Variants in GPATCH8 observed in about 807,000 individuals in gnomAD.
GPATCH8 encodes G patch domain-containing protein 8.
GPATCH8 carries 18 observed loss-of-function variants against 118.3 expected under a neutral mutation model. The ratio of observed to expected loss-of-function variants is 0.15; its 90% CI spans 0.11 to 0.23. The LOEUF (loss-of-function observed/expected upper bound fraction) is 0.23. GPATCH8 is among the 10% of genes least tolerant of loss of function. The probability of loss-of-function intolerance (pLI) is 1.00; values close to 1 mark genes in which losing one functional copy is unlikely to be tolerated. For synonymous variants in GPATCH8, 659 were observed against 684.7 expected, an observed-to-expected ratio of 0.96 and a Z score of 0.59; for missense variants, 1,631 against 1,873.8, an observed-to-expected ratio of 0.87 and a Z score of 2.39.
At chr17:44,431,872 G>C (rs1319131452) in intron 5 of GPATCH8, among the ~76,000 whole-genome samples, 2 of 151,926 alleles carry the variant, frequency 1.3e-5, no homozygotes, top group African/African-American at 4.8e-5. Context: ...GCTGTAGTGA[G>C]CTACGATAGC....
intron 6 of GPATCH8, among the ~76,000 whole-genome samples, chr17:44,416,604 C>G (rs1322139353): frequency 6.6e-6 from 1 of 152,174 alleles, no homozygotes; most frequent in Non-Finnish European, 1.5e-5. Context: ...GAGATGCACT[C>G]CTTTCTTCAA....
chr17:44,421,834 C>G (rs2049916306), intron 6 of GPATCH8, among the ~76,000 whole-genome samples: 1 of 151,776 alleles, frequency 6.6e-6, no homozygotes, highest in Non-Finnish European at 1.5e-5. Flanking sequence ...TCAGGCAATT[C>G]TCGTGCCTCG....
At chr17:44,498,554 A>G (rs1969830834) in intron 1 of GPATCH8, among the ~76,000 whole-genome samples, 1 of 152,248 alleles carries the variant, frequency 6.6e-6, no homozygotes, top group South Asian at 2.1e-4. Flanking sequence ...TCTCCTAAGA[A>G]TGTATTAACC....
rs1273242915 is a variant in GPATCH8 at position 44,397,646 on chromosome 17, A to G, written c.4431T>C (p.Thr1477=). The G allele has an allele frequency of 1.2e-6, 2 of 1,613,516 alleles. No individual in the cohort carries two copies. The highest frequency in any genetic ancestry group is 1.3e-5 in the African/African-American group (1 of 74,884). The change falls in exon 8 of 8, where the codon ACT becomes ACC. Residue 1477 remains threonine, a synonymous_variant. Coordinates refer to ENST00000591680, the MANE Select transcript of GPATCH8 (RefSeq NM_001002909.4). ...LAPRPAAAAA[T]ALHLHPLLHP... ...GAAGTAGTGGGTGAAGGTGAAGTGC[A>G]GTGGCAGCTGCTGCAGCAGGCCGTG...
intron 3 of GPATCH8, among the ~76,000 whole-genome samples, chr17:44,456,147 C>G (rs943929171): frequency 1.3e-5 from 2 of 152,162 alleles, no homozygotes; most frequent in African/African-American, 4.8e-5. Context: ...CTATGTTGCC[C>G]AGGCTAAGGT....
intron 7 of GPATCH8, 57 bp downstream of exon 7, chr17:44,405,864 T>G (rs555710844): frequency 8.1e-7 from 1 of 1,228,132 alleles, no homozygotes; most frequent in African/African-American, 1.5e-5. Flanking sequence ...AATCTATAAT[T>G]TAAAATTTTA....
chr17:44,446,287 C>T (rs1342400413), intron 3 of GPATCH8, among the ~76,000 whole-genome samples: 1 of 152,006 alleles, frequency 6.6e-6, no homozygotes, highest in Non-Finnish European at 1.5e-5. Context: ...GAGTTAAAGG[C>T]CAGGCGCAGT....
At chr17:44,429,686 A>ACACACACACAC (rs371769035) in intron 5 of GPATCH8, among the ~76,000 whole-genome samples, 3 of 147,152 alleles carry the variant, frequency 2.0e-5, no homozygotes, top group African/African-American at 7.7e-5. Flanking sequence ...ACACACACAC[A>ACACACACACAC]AAACAACAAA....
In GPATCH8 at chr17:44,399,507, C is replaced by G; in HGVS notation, c.2570G>C (p.Gly857Ala). ...SEHSRSRSRS[G>A]RRHSSHRSSR... ...GGAACGATGCGAGGAATGGCGCCGG[C>G]CAGACCTTGAGCGGCTGCGGGAATG... The change falls in exon 8 of 8, where the codon GGC (glycine) becomes GCC (alanine). Residue 857 changes from glycine to alanine, a missense_variant. Physicochemically the swap from Gly to Ala is moderately conservative, Grantham distance 60. Coordinates refer to ENST00000591680, the MANE Select transcript of GPATCH8 (RefSeq NM_001002909.4). 1 of 1,614,230 alleles carries G rather than the reference C, an allele frequency of 6.2e-7. No homozygotes were observed. Among genetic ancestry groups the G allele is most frequent in the Non-Finnish European group, 8.5e-7 (1 of 1,180,048 alleles).
chr17:44,407,320 A>T (rs1217562178), intron 6 of GPATCH8: 1 of 152,174 alleles, frequency 6.6e-6, no homozygotes, highest in Non-Finnish European at 1.5e-5. Flanking sequence ...CAAGAGTGGA[A>T]GAGAAAAAAA....
At chr17:44,439,870 A>G (rs1598492623) in intron 3 of GPATCH8, among the ~76,000 whole-genome samples, 1 of 147,140 alleles carries the variant, frequency 6.8e-6, no homozygotes, top group Middle Eastern at 3.3e-3. Context: ...CACAGCCTCC[A>G]CCTCCTGGGT....
chr17:44,411,987 A>G (rs1047333564), intron 6 of GPATCH8, among the ~76,000 whole-genome samples: 1 of 152,136 alleles, frequency 6.6e-6, no homozygotes, highest in African/African-American at 2.4e-5. Context: ...CAATGGCGCA[A>G]TCTCAGCTCA....
intron 1 of GPATCH8, among the ~76,000 whole-genome samples, chr17:44,479,481 T>C (rs762936699): frequency 1.3e-5 from 2 of 152,116 alleles, no homozygotes; most frequent in African/African-American, 2.4e-5. Context: ...TAGAACTAGG[T>C]GTCCATATAC....
intron 2 of GPATCH8, among the ~76,000 whole-genome samples, chr17:44,468,535 G>A (rs1348904518): frequency 6.6e-6 from 1 of 151,566 alleles, no homozygotes; most frequent in East Asian, 1.9e-4. Flanking sequence ...TTACAGGTGT[G>A]AGCCACCATG....
At chr17:44,445,502 CT>C (rs113545278) in intron 3 of GPATCH8, among the ~76,000 whole-genome samples, 19,119 of 146,150 alleles carry the variant, frequency 0.13, 1,364 homozygotes, top group African/African-American at 0.18. Flanking sequence ...ATTTCTTTTT[CT>C]TTTTTTTTTT....
intron 3 of GPATCH8, among the ~76,000 whole-genome samples, chr17:44,449,542 G>A (rs1235379214): frequency 2.9e-5 from 4 of 138,860 alleles, no homozygotes; most frequent in African/African-American, 1.1e-4. Context: ...CTGAGACAGA[G>A]TTTCACTCTT....
At chr17:44,438,458 T>A (rs2050586256) in intron 3 of GPATCH8, among the ~76,000 whole-genome samples, 1 of 152,092 alleles carries the variant, frequency 6.6e-6, no homozygotes, top group South Asian at 2.1e-4. Flanking sequence ...TTTAATGTTT[T>A]AACTGATTTT....
chr17:44,489,948 G>C (rs143925264), intron 1 of GPATCH8, among the ~76,000 whole-genome samples: 1 of 152,068 alleles, frequency 6.6e-6, no homozygotes, highest in East Asian at 1.9e-4. Flanking sequence ...ACCTCACTTA[G>C]ATCTCTGAAA....
chr17:44,488,228 T>C (rs1423612104), intron 1 of GPATCH8, among the ~76,000 whole-genome samples: 3 of 146,494 alleles, frequency 2.0e-5, no homozygotes, highest in East Asian at 4.0e-4. Context: ...TGACCCTTTT[T>C]TTTTTTTTTT....
Sources: allele counts gnomAD v4.1 joint callset (sites outside exome capture counted in the v4.1 genomes callset), GRCh38; gene constraint gnomAD v4.1.1; transcripts MANE v1.5; gene names NCBI Gene and HGNC (gene_info 2026-07-23, HGNC 2026-07-21).